The following FRMPD3 variants were observed in gnomAD, a reference collection of about 807,000 sequenced individuals.
FRMPD3 encodes FERM and PDZ domain containing 3, also known as FERM and PDZ domain-containing protein 3.
Under a neutral mutation model 97.9 loss-of-function variants are expected in FRMPD3, and 42 were observed. The observed-to-expected ratio is 0.43, with a 90% CI of 0.34 to 0.55. FRMPD3 has a LOEUF of 0.55. Among genes scored for constraint, FRMPD3 ranks in the 20% least tolerant of loss-of-function variants. FRMPD3 has a pLI of 0.03. For missense variants in FRMPD3, 1,303 were observed against 1,457.7 expected (o/e 0.89, Z 1.73); for synonymous variants, 577 against 581.1 (o/e 0.99, Z 0.10).
At chrX:107,501,353 A>AT (rs1180253334) in intron 1 of FRMPD3, among the ~76,000 whole-genome samples, 796 of 44,719 alleles carry the variant, frequency 0.018, 32 homozygotes, top group African/African-American at 0.033. Context: ...CTTGTCTCCT[A>AT]TTTTTTTTTT....
intron 1 of FRMPD3, among the ~76,000 whole-genome samples, chrX:107,477,719 G>A (rs1157433809): frequency 1.8e-5 from 2 of 112,292 alleles, no homozygotes; most frequent in Non-Finnish European, 3.8e-5. Flanking sequence ...AGATTCTGCA[G>A]CTGCTGCGAT....
At chrX:107,459,602 A>G (rs966320250) in intron 1 of FRMPD3, among the ~76,000 whole-genome samples, 2 of 112,501 alleles carry the variant, frequency 1.8e-5, no homozygotes, top group Non-Finnish European at 3.8e-5. Context: ...TTGGAGGGAA[A>G]TAGAGAACTG....
chrX:107,482,093 T>G (rs1009326345), intron 1 of FRMPD3, among the ~76,000 whole-genome samples: 2 of 110,336 alleles, frequency 1.8e-5, no homozygotes, highest in African/African-American at 6.6e-5. Context: ...AGCTGAGAGG[T>G]TTTTTTGTTT....
rs1437481859 is a variant in FRMPD3, at chrX:107,603,561, G to C, written c.*188G>C. 7 of 905,174 alleles carry C rather than the reference G, an allele frequency of 7.7e-6. No individual in the cohort carries two copies. The highest frequency in any genetic ancestry group is 4.2e-5 in the Admixed American group (1 of 24,008). The allele number at this position is 905,174 out of a possible 1,213,427, so 74.6% of individuals were successfully genotyped here. A position where few individuals can be genotyped will look rare whatever the true frequency, so the allele number is the denominator to read the frequency against. ...CTTAAGGGCTGCAGGCTTAGCTGCCGCCCTGGGTGTCCTCACCCCTTCCCT... is the reference window on the plus strand; with the variant it reads ...CTTAAGGGCTGCAGGCTTAGCTGCCCCCCTGGGTGTCCTCACCCCTTCCCT... On this transcript the variant is annotated 3_prime_UTR_variant, in exon 15 of 15. Transcript: ENST00000683843.
At chrX:107,504,604 G>T (rs1384583232) in intron 1 of FRMPD3, among the ~76,000 whole-genome samples, 1 of 111,979 alleles carries the variant, frequency 8.9e-6, no homozygotes, top group East Asian at 2.8e-4. Context: ...GTATACTTGG[G>T]GTGGCTTATA....
chrX:107,500,048 G>C (rs999664749), intron 1 of FRMPD3, among the ~76,000 whole-genome samples: 1 of 112,137 alleles, frequency 8.9e-6, no homozygotes, highest in Non-Finnish European at 1.9e-5. Context: ...GTACTCACTA[G>C]GGGAAGATCA....
intron 10 of FRMPD3, among the ~76,000 whole-genome samples, chrX:107,562,549 G>A (rs1922416909): frequency 8.9e-6 from 1 of 112,312 alleles, no homozygotes; most frequent in Non-Finnish European, 1.9e-5. Flanking sequence ...GGATAGATTG[G>A]AAAAGGAGCT....
chrX:107,565,414 G>T (rs1046644655), intron 12 of FRMPD3, among the ~76,000 whole-genome samples: 10 of 111,842 alleles, frequency 8.9e-5, no homozygotes, highest in Non-Finnish European at 1.5e-4. Context: ...ATATTCACAG[G>T]CCGGCATGGT....
At chrX:107,570,122 G>A (rs1421962409) in intron 12 of FRMPD3, among the ~76,000 whole-genome samples, 3 of 93,833 alleles carry the variant, frequency 3.2e-5, no homozygotes, top group Admixed American at 1.2e-4. Flanking sequence ...AAAAGAGAGC[G>A]AGGAAGGAAG....
At position 107,534,834 on chromosome X, in the gene FRMPD3, T is replaced by C. The variant is rs758315349; in HGVS notation, c.297+1284T>C. ...ATACCCATACATATACACACACTACTCACATATACACGCACTCATGTGCTC... is the reference window on the plus strand; with the variant it reads ...ATACCCATACATATACACACACTACCCACATATACACGCACTCATGTGCTC... On this transcript the variant is annotated intron_variant, in intron 4 of 14. Transcript: ENST00000683843. Among the ~76,000 whole-genome samples the C allele has an allele frequency of 3.3e-4, 37 of 112,111 alleles. 1 individual carries two copies. The highest frequency in any genetic ancestry group is 1.2e-3 in the African/African-American group (36 of 30,844).
chrX:107,545,415 A>T, intron 4 of FRMPD3: 1 of 155,398 alleles, frequency 6.4e-6, no homozygotes, highest in Non-Finnish European at 1.2e-5. Flanking sequence ...GGTCTATCTC[A>T]CTGTAAGAAA....
rs370141752 is a variant in FRMPD3 at position 107,552,865 on chromosome X, A to C, written c.581A>C (p.Tyr194Ser). The C allele has an allele frequency of 1.7e-6, 2 of 1,208,380 alleles. No individual in the cohort carries two copies. The highest frequency in any genetic ancestry group is 2.2e-6 in the Non-Finnish European group (2 of 894,770). ...FIEHFALVLE[Y>S]AGPEQNHKFL... Reference sequence around the variant, plus strand: ...GAGCACTTTGCTCTTGTCCTTGAGTATGCCGGGCCAGAACAGAATCACAAG... The same window carrying C: ...GAGCACTTTGCTCTTGTCCTTGAGTCTGCCGGGCCAGAACAGAATCACAAG... Residue 194 changes from tyrosine to serine, a missense_variant, in exon 7 of 15, where the codon TAT becomes TCT. Transcript: ENST00000683843.
intron 14 of FRMPD3, 135 bp from the exon 15 acceptor site, chrX:107,600,168 C>T: frequency 1.3e-6 from 1 of 784,899 alleles, no homozygotes; most frequent in Non-Finnish European, 1.8e-6. Context: ...GTATCAGGGA[C>T]TTGAGCATCT....
Position 107,601,906 on chromosome X carries a change from T to C in FRMPD3, c.3867T>C (p.Pro1289=). ...QLRSSPVQQG[P]GMSREQRRSC... ...GCAGCAGCCCTGTGCAGCAGGGGCC[T>C]GGCATGTCCCGTGAGCAGAGGCGCA... Residue 1289 remains proline (P), a synonymous_variant, in exon 15 of 15, where the codon CCT becomes CCC. Coordinates refer to ENST00000683843, the MANE Select transcript of FRMPD3 (RefSeq NM_001388459.1). The C allele has an allele frequency of 8.4e-7, 1 of 1,195,932 alleles. No homozygotes were observed. Among genetic ancestry groups the C allele is most frequent in the Non-Finnish European group, 1.1e-6 (1 of 888,784 alleles).
intron 1 of FRMPD3, among the ~76,000 whole-genome samples, chrX:107,512,057 G>A (rs975051384): frequency 7.5e-5 from 8 of 106,000 alleles, no homozygotes; most frequent in South Asian, 4.2e-4. Context: ...ACACACACAC[G>A]CGCACACACA....
chrX:107,559,382 T>G (rs1437915588), intron 8 of FRMPD3, among the ~76,000 whole-genome samples: 2 of 111,970 alleles, frequency 1.8e-5, no homozygotes, highest in African/African-American at 6.5e-5. Flanking sequence ...ATAAAGGACT[T>G]AAGCATCCAC....
chrX:107,554,802 A>G (rs1488055008), intron 8 of FRMPD3: 1 of 265,326 alleles, frequency 3.8e-6, no homozygotes, highest in Non-Finnish European at 6.8e-6. Context: ...TAACAAGCCC[A>G]TTTCGGTTTC....
At chrX:107,571,680 T>TAGCCAGCCAACC (rs1393426572) in intron 12 of FRMPD3, among the ~76,000 whole-genome samples, 1 of 112,100 alleles carries the variant, frequency 8.9e-6, no homozygotes, top group Non-Finnish European at 1.9e-5. Flanking sequence ...TTCTGTCCAT[T>TAGCCAGCCAACC]AGCCAGCCAA....
chrX:107,602,285 C>T lies in FRMPD3; in HGVS notation c.4246C>T (p.Pro1416Ser), dbSNP rs1924563404. The T allele has an allele frequency of 2.5e-6, 3 of 1,209,103 alleles. No individual in the cohort carries two copies. The highest frequency in any genetic ancestry group is 2.2e-6 in the Non-Finnish European group (2 of 894,491). Reference protein sequence around the residue: ...ASLTSDVYPHPPLGMLPREAK... With the variant: ...ASLTSDVYPHSPLGMLPREAK... Reference sequence around the variant, plus strand: ...GCTGACCTCGGATGTCTACCCACATCCTCCCCTGGGCATGCTGCCCAGGGA... The same window carrying T: ...GCTGACCTCGGATGTCTACCCACATTCTCCCCTGGGCATGCTGCCCAGGGA... Residue 1416 changes from proline (P) to serine (S), a missense_variant, in exon 15 of 15, where the codon CCT (proline) becomes TCT (serine). Physicochemically the swap from Pro to Ser is moderately conservative, Grantham distance 74. Around this residue, in one of 3 missense-constraint regions of FRMPD3, gnomAD observed 764 missense variants for 820.2 expected, o/e 0.93. Transcript: ENST00000683843.
Sources: allele counts gnomAD v4.1 joint callset (sites outside exome capture counted in the v4.1 genomes callset), GRCh38; gene constraint gnomAD v4.1.1; regional missense constraint gnomAD v4.1.1; transcripts MANE v1.5; gene names NCBI Gene and HGNC (gene_info 2026-07-23, HGNC 2026-07-21).